GABRG1: variants seen among roughly 807,000 people sequenced by gnomAD.
The protein encoded by GABRG1 is gamma-aminobutyric acid type A receptor subunit gamma1.
A neutral mutation model predicts 49.8 loss-of-function variants in GABRG1; 49 were observed. The observed-to-expected ratio is 0.98, with a 90% confidence interval of 0.78 to 1.25. GABRG1 has a LOEUF of 1.25. Among genes scored for constraint, GABRG1 ranks in the 50% most tolerant of loss-of-function variants. GABRG1 has a pLI of 0.00. For missense variants in GABRG1, 552 were observed against 552.3 expected (o/e 1.00, Z 0.01); for synonymous variants, 232 against 185.1 (o/e 1.25, Z -2.06).
Position 46,037,026 on chromosome 4 carries a change from C to T in GABRG1, c.*3962G>A, listed in dbSNP as rs1387098181. On this transcript the variant is annotated 3_prime_UTR_variant, in exon 9 of 9. Transcript: ENST00000295452. Reference sequence around the variant, plus strand: ...CCAGTTGGAAATTGTGATCTCTCTCCCTCTTACCTGTTGAATCCCCAGCTC... The same window carrying T: ...CCAGTTGGAAATTGTGATCTCTCTCTCTCTTACCTGTTGAATCCCCAGCTC... The T allele has an allele frequency of 6.6e-6, 1 of 151,612 alleles. No individual in the cohort carries two copies. The highest frequency in any genetic ancestry group is 6.6e-5 in the Admixed American group (1 of 15,134). The allele number at this position is 151,612 out of a possible 1,614,324, so 9.4% of individuals were successfully genotyped here. A position where few individuals can be genotyped will look rare whatever the true frequency, so the allele number is the denominator to read the frequency against.
In GABRG1 at chr4:46,040,841, C is replaced by T; in HGVS notation, c.*147G>A. 1 of 794,108 alleles carries T rather than the reference C, an allele frequency of 1.3e-6. No individual in the cohort carries two copies. The highest frequency in any genetic ancestry group is 1.9e-6 in the Non-Finnish European group (1 of 518,148). The allele number at this position is 794,108 out of a possible 1,614,324, so 49.2% of individuals were successfully genotyped here. A position where few individuals can be genotyped will look rare whatever the true frequency, so the allele number is the denominator to read the frequency against. ...CTGAAAGCTGCTACTTTATTTACTT[C>T]TGAAGGCCTTAAAATAGTTACAATA... On this transcript the variant is annotated 3_prime_UTR_variant, in exon 9 of 9. Transcript: ENST00000295452.
intron 1 of GABRG1, among the ~76,000 whole-genome samples, chr4:46,104,800 T>C (rs1338478589): frequency 1.3e-5 from 2 of 151,392 alleles, no homozygotes; most frequent in Non-Finnish European, 3.0e-5. Flanking sequence ...GATGCAAAGA[T>C]GACTAAAGCA....
intron 1 of GABRG1, among the ~76,000 whole-genome samples, chr4:46,108,715 A>T (rs527900020): frequency 6.6e-6 from 1 of 151,102 alleles, no homozygotes; most frequent in East Asian, 2.0e-4. Flanking sequence ...GTATGAATGA[A>T]AACATGAATG....
chr4:46,120,308 C>T (rs148977555), intron 1 of GABRG1, among the ~76,000 whole-genome samples: 164 of 151,754 alleles, frequency 1.1e-3, no homozygotes, highest in African/African-American at 3.7e-3. Flanking sequence ...CTTTTCACCC[C>T]TCCTTTGGGC....
intron 1 of GABRG1, among the ~76,000 whole-genome samples, chr4:46,097,884 T>C (rs1471726246): frequency 1.3e-5 from 2 of 151,792 alleles, no homozygotes; most frequent in East Asian, 1.9e-4. Context: ...CTCATTTCTT[T>C]TAAGTCGGAA....
intron 1 of GABRG1, among the ~76,000 whole-genome samples, chr4:46,113,224 G>T (rs866388199): frequency 1.3e-5 from 2 of 151,096 alleles, no homozygotes; most frequent in African/African-American, 2.4e-5. Context: ...ATAAAGAAAA[G>T]AGGTTTAATT....
chr4:46,095,737 C>A (rs1430837625), intron 2 of GABRG1, among the ~76,000 whole-genome samples: 4 of 151,786 alleles, frequency 2.6e-5, no homozygotes, highest in Admixed American at 6.6e-5. Context: ...TTACATGCAA[C>A]AACTTTCTGA....
Position 46,079,155 on chromosome 4 carries a change from A to G in GABRG1, c.321+4831T>C, listed in dbSNP as rs1291411778. 2.6e-5 allele frequency among the ~76,000 whole-genome samples: 4 copies of G among 151,590 alleles called. No homozygotes were observed. In the South Asian group the frequency reaches 6.3e-4, roughly 24 times the overall value. Reference sequence around the variant, plus strand: ...TTCTGAAAATGGGCATTCCTGTTACATATTTCTGCACAGGCCAGAATGAAA... The same window carrying G: ...TTCTGAAAATGGGCATTCCTGTTACGTATTTCTGCACAGGCCAGAATGAAA... On this transcript the variant is annotated intron_variant, in intron 3 of 8. Coordinates refer to ENST00000295452, the MANE Select transcript of GABRG1 (RefSeq NM_173536.4).
chr4:46,065,368 G>A lies in GABRG1; in HGVS notation c.538C>T (p.Leu180=), dbSNP rs1718869652. ...AGATTTTTAAACCAATATTACCTTA[G>A]AGTATACAGAACTCGTCCATCATTC... is the stretch of plus-strand genomic sequence containing the variant. ...IWNDGRVLYT[L]RLTINAECYL... is the part of the protein sequence containing the mutation. The change falls in exon 4 of 9, where the codon CTA becomes TTA. Residue 180 remains leucine, a synonymous_variant. Transcript: ENST00000295452. 1 of 1,565,434 alleles carries A rather than the reference G, an allele frequency of 6.4e-7. No homozygotes were observed. The highest frequency in any genetic ancestry group is 1.4e-5 in the African/African-American group (1 of 73,830).
chr4:46,109,674 C>T (rs1232377212), intron 1 of GABRG1, among the ~76,000 whole-genome samples: 1 of 151,144 alleles, frequency 6.6e-6, no homozygotes, highest in African/African-American at 2.4e-5. Flanking sequence ...CTTCTTAACA[C>T]TGCTTTTGCA....
In GABRG1 at chr4:46,037,695, T is replaced by C. The variant is rs928574379; in HGVS notation, c.*3293A>G. ...TTTGAAAATATTATGCATGTATTTA[T>C]TCATTCGTTATACATTTACTTAAAT... On this transcript the variant is annotated 3_prime_UTR_variant, in exon 9 of 9. Transcript: ENST00000295452. 8 of 151,794 alleles carry C rather than the reference T, an allele frequency of 5.3e-5. No individual in the cohort carries two copies. The highest frequency in any genetic ancestry group is 1.9e-4 in the African/African-American group (8 of 41,422). 9.4% of individuals were successfully genotyped at this position (151,794 alleles called of 1,614,324 possible). A position where few individuals can be genotyped will look rare whatever the true frequency, so the allele number is the denominator to read the frequency against.
intron 5 of GABRG1, among the ~76,000 whole-genome samples, chr4:46,059,527 T>C (rs549241993): frequency 1.2e-4 from 19 of 152,080 alleles, no homozygotes; most frequent in African/African-American, 4.3e-4. Flanking sequence ...AGCTGAGACC[T>C]ATACAGGTGC....
At chr4:46,115,291 C>G (rs920561553) in intron 1 of GABRG1, among the ~76,000 whole-genome samples, 5 of 150,224 alleles carry the variant, frequency 3.3e-5, no homozygotes, top group African/African-American at 9.7e-5. Flanking sequence ...AGATGTATCC[C>G]AAAAATACAA....
intron 3 of GABRG1, among the ~76,000 whole-genome samples, chr4:46,081,153 T>C (rs746893836): frequency 2.1e-4 from 32 of 151,816 alleles, no homozygotes; most frequent in African/African-American, 3.6e-4. Context: ...AATACATGTG[T>C]TCCCTAAGGT....
In GABRG1 at chr4:46,058,333, C is replaced by T; in HGVS notation, c.800G>A (p.Ser267Asn). The change falls in exon 7 of 9, where the codon AGC (serine) becomes AAC (asparagine). Residue 267 changes from serine to asparagine, a missense_variant. Physicochemically the swap from Ser to Asn is conservative, Grantham distance 46. Transcript: ENST00000295452. Reference protein sequence around the residue: ...YVIMTIFFDLSRRMGYFTIQT... With the variant: ...YVIMTIFFDLNRRMGYFTIQT... ...AATAGTGAAATATCCCATTCTTCTG[C>T]TCAGGTCAAAAAAAATTGTCATGAT... The T allele has an allele frequency of 2.5e-6, 4 of 1,612,184 alleles. No homozygotes were observed. The highest frequency in any genetic ancestry group is 2.5e-6 in the Non-Finnish European group (3 of 1,179,276).
chr4:46,111,549 A>G (rs1043123354), intron 1 of GABRG1, among the ~76,000 whole-genome samples: 2 of 151,456 alleles, frequency 1.3e-5, no homozygotes, highest in Admixed American at 1.3e-4. Flanking sequence ...ACTCCAAGAA[A>G]AAAGAACAAA....
intron 3 of GABRG1, 43 bp downstream of exon 3, chr4:46,083,943 G>A (rs761952513): frequency 2.0e-5 from 21 of 1,063,938 alleles, no homozygotes; most frequent in Non-Finnish European, 2.7e-5. Context: ...GTATACACGA[G>A]AGATCTCTGT....
At chr4:46,057,788 T>A (rs903253602) in intron 7 of GABRG1, among the ~76,000 whole-genome samples, 1 of 152,048 alleles carries the variant, frequency 6.6e-6, no homozygotes, top group Non-Finnish European at 1.5e-5. Flanking sequence ...ATTAGCAATG[T>A]TATAAAAGCA....
At chr4:46,096,675 T>C (rs1383830845) in intron 2 of GABRG1, among the ~76,000 whole-genome samples, 1 of 149,226 alleles carries the variant, frequency 6.7e-6, no homozygotes, top group East Asian at 2.0e-4. Context: ...CCTAGCAAAA[T>C]AGAAGAGAAG....
Sources: allele counts gnomAD v4.1 joint callset (sites outside exome capture counted in the v4.1 genomes callset), GRCh38; gene constraint gnomAD v4.1.1; transcripts MANE v1.5; gene names NCBI Gene and HGNC (gene_info 2026-07-23, HGNC 2026-07-21).